RNF24: variants seen among roughly 807,000 people sequenced by gnomAD.
RNF24 encodes the protein ring finger protein 24.
A neutral mutation model predicts 20.0 loss-of-function variants in RNF24; 14 were observed. The ratio of observed to expected loss-of-function variants is 0.70; its 90% CI spans 0.46 to 1.10. The LOEUF (loss-of-function observed/expected upper bound fraction) is 1.10, where lower values mean the gene tolerates loss of function less well. Among genes scored for constraint, RNF24 ranks in the 50% least tolerant of loss-of-function variants. The pLI, the probability that RNF24 is intolerant of heterozygous loss-of-function variation, is 0.00. For synonymous variants in RNF24, 45 were observed against 61.1 expected, an observed-to-expected ratio of 0.74 and a Z score of 1.23; for missense variants, 124 against 177.6, an observed-to-expected ratio of 0.70 and a Z score of 1.71.
intron 1 of RNF24, among the ~76,000 whole-genome samples, chr20:3,989,558 A>G (rs1013949132): frequency 6.6e-6 from 1 of 152,318 alleles, no homozygotes. Context: ...AACAGGACAG[A>G]ATAGAAATAC....
At chr20:3,984,289 C>T (rs1979692492) in intron 1 of RNF24, among the ~76,000 whole-genome samples, 2 of 152,068 alleles carry the variant, frequency 1.3e-5, no homozygotes, top group South Asian at 4.1e-4. Context: ...AAGTAATTCA[C>T]TTCTTCATTG....
At chr20:3,988,149 T>C (rs1013923647) in intron 1 of RNF24, among the ~76,000 whole-genome samples, 1 of 151,908 alleles carries the variant, frequency 6.6e-6, no homozygotes, top group Admixed American at 6.6e-5. Context: ...ATGGCAAGAC[T>C]CCGTCTCTAC....
chr20:3,992,146 G>A (rs6052222), intron 1 of RNF24, among the ~76,000 whole-genome samples: 20,336 of 152,152 alleles, frequency 0.13, 1,543 homozygotes, highest in Non-Finnish European at 0.17. Context: ...AATAACAGTT[G>A]GCTTTTTAAA....
intron 1 of RNF24, among the ~76,000 whole-genome samples, chr20:3,970,783 C>T (rs1201775575): frequency 1.6e-4 from 25 of 152,128 alleles, no homozygotes; most frequent in Admixed American, 1.5e-3. Context: ...CGGTGACTCA[C>T]ACCTGTAATC....
At chr20:4,008,542 TTATA>T (rs372491087) in intron 1 of RNF24, among the ~76,000 whole-genome samples, 1 of 116,854 alleles carries the variant, frequency 8.6e-6, no homozygotes, top group Non-Finnish European at 1.7e-5. Context: ...TTTATATATA[TTATA>T]TATATATATA....
intron 2 of RNF24, among the ~76,000 whole-genome samples, chr20:3,956,686 T>C (rs1254516680): frequency 1.3e-5 from 2 of 152,188 alleles, no homozygotes; most frequent in Admixed American, 6.5e-5. Context: ...CATGAAAACG[T>C]TGCTCATTGG....
At chr20:3,951,309 T>G (rs2091079009) in intron 2 of RNF24, among the ~76,000 whole-genome samples, 1 of 152,170 alleles carries the variant, frequency 6.6e-6, no homozygotes, top group Admixed American at 6.5e-5. Flanking sequence ...CTTTCAAGAT[T>G]TTGACATATT....
At chr20:3,942,300 C>A (rs955286324) in intron 4 of RNF24, among the ~76,000 whole-genome samples, 1 of 147,264 alleles carries the variant, frequency 6.8e-6, no homozygotes, top group African/African-American at 2.5e-5. Flanking sequence ...TCCTAAGTAG[C>A]TGGGACTATA....
chr20:3,931,866 C>T lies in RNF24; in HGVS notation c.*2197G>A, dbSNP rs888511140. The T allele has an allele frequency of 6.6e-6, 1 of 152,216 alleles. No homozygotes were observed. Among genetic ancestry groups the T allele is most frequent in the African/African-American group, 2.4e-5 (1 of 41,462 alleles). 9.4% of individuals were successfully genotyped at this position (152,216 alleles called of 1,614,324 possible). ...GGCTTTGCGCCCTGGTCCAGTGCTA[C>T]GTATCAACCCCCTCAACATGCCTGT... On this transcript the variant is annotated 3_prime_UTR_variant, in exon 6 of 6. Coordinates refer to ENST00000358395, the MANE Select transcript of RNF24 (RefSeq NM_001134337.3).
At chr20:3,989,352 G>A (rs1452635373) in intron 1 of RNF24, among the ~76,000 whole-genome samples, 6 of 151,964 alleles carry the variant, frequency 3.9e-5, no homozygotes, top group Non-Finnish European at 5.9e-5. Context: ...TTAGCCAGGC[G>A]TGGTGGCGGG....
At chr20:4,002,894 G>C (rs544784739) in intron 1 of RNF24, among the ~76,000 whole-genome samples, 1 of 152,298 alleles carries the variant, frequency 6.6e-6, no homozygotes, top group South Asian at 2.1e-4. Flanking sequence ...GTAGTGAATT[G>C]AAATAGAGAA....
At chr20:3,970,245 C>A (rs1159027459) in intron 1 of RNF24, among the ~76,000 whole-genome samples, 4 of 152,068 alleles carry the variant, frequency 2.6e-5, no homozygotes, top group African/African-American at 9.7e-5. Context: ...CCTGCCCCGT[C>A]CCCGCCCCCC....
chr20:3,964,157 G>C, intron 1 of RNF24, 133 bp from the exon 2 acceptor site: 1 of 655,738 alleles, frequency 1.5e-6, no homozygotes, highest in Non-Finnish European at 2.4e-6. Context: ...TAATATTCTT[G>C]CCATTCATTC....
Position 3,933,668 on chromosome 20 carries a change from A to G in RNF24, c.*395T>C, listed in dbSNP as rs553471615. The G allele has an allele frequency of 5.8e-6, 1 of 172,938 alleles. No individual in the cohort carries two copies. Among genetic ancestry groups the G allele is most frequent in the Admixed American group, 6.3e-5 (1 of 15,822 alleles). The allele number at this position is 172,938 out of a possible 1,614,324, so 10.7% of individuals were successfully genotyped here. On this transcript the variant is annotated 3_prime_UTR_variant, in exon 6 of 6. Coordinates refer to ENST00000358395, the MANE Select transcript of RNF24 (RefSeq NM_001134337.3). ...AAGGTTTGCTGCGACAAAGGCCTGC[A>G]TGGCCTACAGAGAAACCCATCCATC...
At chr20:3,941,802 T>C (rs1391135636) in intron 4 of RNF24, among the ~76,000 whole-genome samples, 2 of 152,162 alleles carry the variant, frequency 1.3e-5, no homozygotes, top group Non-Finnish European at 2.9e-5. Context: ...AAGCTGGGCA[T>C]GGTGGCTCAC....
intron 4 of RNF24, among the ~76,000 whole-genome samples, chr20:3,941,762 T>C (rs993248552): frequency 1.3e-5 from 2 of 152,158 alleles, no homozygotes; most frequent in Admixed American, 1.3e-4. Flanking sequence ...TCAAATATAA[T>C]TCAATGGGTA....
chr20:4,007,738 CA>C lies in RNF24; in HGVS notation c.-8+7698del, dbSNP rs1161702317. ...GCAACATAGTGAGACCCTGTCTCTA[CA>C]AAAAAAAAAAAAAAAAAAGAAAAAA... On this transcript the variant is annotated intron_variant, in intron 1 of 5. Coordinates refer to ENST00000358395, the MANE Select transcript of RNF24 (RefSeq NM_001134337.3). Among the ~76,000 whole-genome samples the C allele has an allele frequency of 1.0e-3, 57 of 56,318 alleles. 1 individual carries two copies. Among genetic ancestry groups the C allele is most frequent in the East Asian group, 8.3e-3 (12 of 1,440 alleles). The allele number at this position is 56,318 out of a possible 152,430, so 36.9% of individuals were successfully genotyped here.
At chr20:3,999,016 G>T (rs1223038232) in intron 1 of RNF24, among the ~76,000 whole-genome samples, 1 of 152,102 alleles carries the variant, frequency 6.6e-6, no homozygotes, top group East Asian at 1.9e-4. Context: ...CAAGGTGGGG[G>T]TTGCAGTGAG....
chr20:3,982,454 G>C (rs1489597059), intron 1 of RNF24, among the ~76,000 whole-genome samples: 1 of 151,572 alleles, frequency 6.6e-6, no homozygotes, highest in Non-Finnish European at 1.5e-5. Context: ...GTGCGTGCCT[G>C]TAATCCCAGC....
Sources: gnomAD v4.1 joint callset for allele counts (sites outside exome capture counted in the v4.1 genomes callset) on GRCh38, gnomAD v4.1.1 for gene constraint, MANE v1.5 for transcripts, NCBI Gene and HGNC (gene_info 2026-07-23, HGNC 2026-07-21) for gene names.